Variants in ATP8B1 observed in about 807,000 individuals in gnomAD.
ATP8B1 encodes the protein ATPase phospholipid transporting 8B1.
In ATP8B1, 80 loss-of-function variants were observed where a neutral mutation model predicts 149.9. The observed-to-expected ratio is 0.53, with a 90% CI of 0.45 to 0.64. The LOEUF (loss-of-function observed/expected upper bound fraction) is 0.64, where lower values mean the gene tolerates loss of function less well. Ranked by LOEUF, ATP8B1 falls within the 30% of genes least tolerant of loss-of-function variation. The pLI, the probability that ATP8B1 is intolerant of heterozygous loss-of-function variation, is 0.00. For missense variants in ATP8B1, 1,247 were observed against 1,552.6 expected, an observed-to-expected ratio of 0.80 and a Z score of 3.31; for synonymous variants, 536 against 562.8, an observed-to-expected ratio of 0.95 and a Z score of 0.67.
At chr18:57,716,222 A>T (rs1038214539) in intron 2 of ATP8B1, among the ~76,000 whole-genome samples, 12 of 152,152 alleles carry the variant, frequency 7.9e-5, no homozygotes, top group African/African-American at 2.9e-4. Context: ...AAAAAGCAGG[A>T]AATTAAAGCA....
At chr18:57,713,236 C>CTTTTCTTTCTTTCT (rs1568207620) in intron 2 of ATP8B1, among the ~76,000 whole-genome samples, 2 of 100,176 alleles carry the variant, frequency 2.0e-5, no homozygotes, top group Admixed American at 2.2e-4. Flanking sequence ...TCCTTCCTTC[C>CTTTTCTTTCTTTCT]TTCCTTCTTT....
chr18:57,684,225 T>C, intron 14 of ATP8B1, 33 bp from the exon 15 acceptor site: 1 of 1,592,068 alleles, frequency 6.3e-7, no homozygotes, highest in Non-Finnish European at 8.6e-7. Context: ...AAATATGATT[T>C]TATAAAATAT....
chr18:57,683,695 C>G (rs1009996898), intron 15 of ATP8B1, among the ~76,000 whole-genome samples: 1 of 152,208 alleles, frequency 6.6e-6, no homozygotes, highest in African/African-American at 2.4e-5. Context: ...TGACTTTTCA[C>G]TCTCAGTCAA....
intron 3 of ATP8B1, 78 bp downstream of exon 3, chr18:57,706,412 G>T: frequency 8.7e-7 from 1 of 1,144,742 alleles, no homozygotes; most frequent in Non-Finnish European, 1.3e-6. Context: ...GGCAGGTGTA[G>T]CATGAAGGTA....
chr18:57,661,676 T>TATACAC (rs1555688751), intron 21 of ATP8B1, among the ~76,000 whole-genome samples: 1 of 104,628 alleles, frequency 9.6e-6, no homozygotes, highest in African/African-American at 3.7e-5. Context: ...TGTATGTATA[T>TATACAC]ACACACACAC....
intron 2 of ATP8B1, among the ~76,000 whole-genome samples, chr18:57,729,158 T>G (rs1405606197): frequency 6.6e-6 from 1 of 152,128 alleles, no homozygotes; most frequent in African/African-American, 2.4e-5. Context: ...GATGAGAGTT[T>G]CCACCCACTA....
chr18:57,759,569 G>A (rs1420245599), intron 1 of ATP8B1, among the ~76,000 whole-genome samples: 1 of 152,128 alleles, frequency 6.6e-6, no homozygotes, highest in East Asian at 1.9e-4. Context: ...CAGCACTTCG[G>A]GAGGCTGAGG....
intron 2 of ATP8B1, among the ~76,000 whole-genome samples, chr18:57,727,306 T>C (rs748981986): frequency 5.9e-5 from 9 of 152,200 alleles, no homozygotes; most frequent in Non-Finnish European, 7.3e-5. Context: ...ATATGTGGTA[T>C]GTGCCGAAAA....
At chr18:57,657,825 A>G (rs1910107252) in intron 22 of ATP8B1, among the ~76,000 whole-genome samples, 1 of 152,212 alleles carries the variant, frequency 6.6e-6, no homozygotes, top group Non-Finnish European at 1.5e-5. Flanking sequence ...CCCGCTGAGC[A>G]GACCAAGGAC....
intron 1 of ATP8B1, among the ~76,000 whole-genome samples, chr18:57,800,190 A>G (rs1052588556): frequency 3.3e-5 from 5 of 152,176 alleles, no homozygotes; most frequent in African/African-American, 1.2e-4. Context: ...TTTTAGAGAG[A>G]TTTGGGACAT....
At chr18:57,660,948 G>A (rs1319303242) in intron 22 of ATP8B1, among the ~76,000 whole-genome samples, 1 of 151,986 alleles carries the variant, frequency 6.6e-6, no homozygotes, top group African/African-American at 2.4e-5. Flanking sequence ...TTTCCTCTTC[G>A]CATCCTTCAG....
At chr18:57,684,638 A>AC (rs1449537925) in intron 14 of ATP8B1, among the ~76,000 whole-genome samples, 1 of 152,226 alleles carries the variant, frequency 6.6e-6, no homozygotes, top group Non-Finnish European at 1.5e-5. Context: ...GGCATGAGCC[A>AC]CCATGCCTAG....
intron 15 of ATP8B1, among the ~76,000 whole-genome samples, chr18:57,680,615 CA>C (rs773143491): frequency 6.5e-5 from 9 of 137,778 alleles, no homozygotes; most frequent in Middle Eastern, 3.5e-3. Flanking sequence ...CAAAACAAAA[CA>C]AAAAAAAAAC....
chr18:57,655,134 G>GT (rs1909902521), intron 23 of ATP8B1, 60 bp downstream of exon 23: 8 of 1,468,848 alleles, frequency 5.4e-6, no homozygotes, highest in Non-Finnish European at 6.6e-6. Flanking sequence ...TTCAGAACTA[G>GT]ATTTTTATTC....
chr18:57,748,287 G>A (rs1242503523), intron 1 of ATP8B1, among the ~76,000 whole-genome samples: 1 of 152,182 alleles, frequency 6.6e-6, no homozygotes, highest in Admixed American at 6.5e-5. Context: ...GTAACTGAGA[G>A]GTTAAGTTCT....
rs773822510 is a variant in ATP8B1 at position 57,726,121 on chromosome 18, G to A, written c.181+5506C>T. On this transcript the variant is annotated intron_variant, in intron 2 of 27. Coordinates refer to ENST00000648908, the MANE Select transcript of ATP8B1 (RefSeq NM_001374385.1). ...TACATACCTGTAGTCCCAGCTACTC[G>A]GGAGGCTGAGGCAAGGGAATTGCTT... 1.4e-4 allele frequency among the ~76,000 whole-genome samples: 21 copies of A among 152,280 alleles called. No individual in the cohort carries two copies. In the South Asian group the frequency reaches 2.7e-3, roughly 20 times the overall value.
intron 22 of ATP8B1, among the ~76,000 whole-genome samples, chr18:57,657,260 CG>C (rs1910066928): frequency 1.3e-5 from 2 of 150,756 alleles, no homozygotes; most frequent in South Asian, 2.1e-4. Context: ...TTTTTCTTTA[CG>C]GGGGAAGGTT....
At chr18:57,788,009 G>A (rs1023652166) in intron 1 of ATP8B1, among the ~76,000 whole-genome samples, 34 of 151,834 alleles carry the variant, frequency 2.2e-4, no homozygotes, top group African/African-American at 7.7e-4. Context: ...TCCAGCCTGG[G>A]CAACAGAGCG....
At chr18:57,667,584 A>G (rs961926571) in intron 19 of ATP8B1, 88 of 204,250 alleles carry the variant, frequency 4.3e-4, no homozygotes, top group African/African-American at 1.8e-3. Flanking sequence ...CCTTTTCTCC[A>G]TAATAAAACA....
Sources: allele counts gnomAD v4.1 joint callset (sites outside exome capture counted in the v4.1 genomes callset), GRCh38; gene constraint gnomAD v4.1.1; transcripts MANE v1.5; gene names NCBI Gene and HGNC (gene_info 2026-07-23, HGNC 2026-07-21).